Variants in PRKN observed in about 807,000 individuals in gnomAD.
The protein encoded by PRKN is parkin RBR E3 ubiquitin protein ligase.
A neutral mutation model predicts 59.5 loss-of-function variants in PRKN; 56 were observed. The observed-to-expected ratio is 0.94, with a 90% CI of 0.76 to 1.18. The LOEUF (loss-of-function observed/expected upper bound fraction) is 1.18, where lower values mean the gene tolerates loss of function less well. Among genes scored for constraint, PRKN ranks in the 50% most tolerant of loss-of-function variants. PRKN has a pLI of 0.00. For synonymous variants in PRKN, 250 were observed against 222.1 expected (o/e 1.13, Z -1.12); for missense variants, 657 against 596.4 (o/e 1.10, Z -1.06).
intron 1 of PRKN, among the ~76,000 whole-genome samples, chr6:162,467,666 C>T (rs1202204910): frequency 1.3e-5 from 2 of 152,116 alleles, no homozygotes; most frequent in Non-Finnish European, 2.9e-5. Flanking sequence ...AATCCCTTGA[C>T]ACAAGAAAAA....
At chr6:161,945,036 A>G (rs1779727327) in intron 6 of PRKN, among the ~76,000 whole-genome samples, 1 of 152,206 alleles carries the variant, frequency 6.6e-6, no homozygotes, top group South Asian at 2.1e-4. Context: ...TTGTCAGTGT[A>G]ATCTATTTAG....
chr6:161,826,286 A>T (rs2128217626), intron 6 of PRKN, among the ~76,000 whole-genome samples: 1 of 152,366 alleles, frequency 6.6e-6, no homozygotes, highest in Non-Finnish European at 1.5e-5. Context: ...GACAAATTTT[A>T]AAACAAAAGA....
Position 161,754,251 on chromosome 6 carries a change from A to C in PRKN, c.871+31521T>G, listed in dbSNP as rs537033296. On this transcript the variant is annotated intron_variant, in intron 7 of 11. Transcript: ENST00000366898. Reference sequence around the variant, plus strand: ...CTGAAGCTCACAGCAGGCCATGCTCAGGAGGAACGTGCTGATCTCAAAGAG... The same window carrying C: ...CTGAAGCTCACAGCAGGCCATGCTCCGGAGGAACGTGCTGATCTCAAAGAG... Among the ~76,000 whole-genome samples the C allele has an allele frequency of 7.9e-5, 12 of 152,200 alleles. No individual in the cohort carries two copies. The South Asian group carries it at 2.5e-3, about 32-fold the overall frequency.
At chr6:161,553,431 A>G (rs1297434126) in intron 8 of PRKN, among the ~76,000 whole-genome samples, 1 of 145,290 alleles carries the variant, frequency 6.9e-6, no homozygotes, top group African/African-American at 2.6e-5. Context: ...CCCTCCCTCT[A>G]TCTCTCTGTC....
At chr6:161,635,613 C>T (rs191115892) in intron 7 of PRKN, among the ~76,000 whole-genome samples, 10 of 152,286 alleles carry the variant, frequency 6.6e-5, no homozygotes, top group African/African-American at 2.2e-4. Context: ...GAAAGAATCC[C>T]GGATTTTATG....
chr6:161,557,731 A>C lies in PRKN; in HGVS notation c.934-8728T>G, dbSNP rs188663959. ...AGTACAGGGATCCGAGGTAAAACTC[A>C]AGTCTGAGAAAAATGGCACATGTTC... On this transcript the variant is annotated intron_variant, in intron 8 of 11. Coordinates refer to ENST00000366898, the MANE Select transcript of PRKN (RefSeq NM_004562.3). Among the ~76,000 whole-genome samples the C allele has an allele frequency of 7.5e-4, 115 of 152,332 alleles. 1 individual carries two copies. In the East Asian group the frequency reaches 0.019, roughly 25 times the overall value.
intron 1 of PRKN, among the ~76,000 whole-genome samples, chr6:162,719,404 C>T (rs568971048): frequency 2.4e-4 from 37 of 151,948 alleles, no homozygotes; most frequent in Non-Finnish European, 5.0e-4. Flanking sequence ...GAAAGGAGGT[C>T]GAATTTCAAG....
At chr6:161,876,598 C>T (rs1221447146) in intron 6 of PRKN, among the ~76,000 whole-genome samples, 2 of 152,166 alleles carry the variant, frequency 1.3e-5, no homozygotes, top group East Asian at 3.8e-4. Context: ...CAGGCGTGAG[C>T]CACCATGCCC....
intron 1 of PRKN, among the ~76,000 whole-genome samples, chr6:162,516,119 CTCTCTGATCCT>C (rs1041249293): frequency 1.2e-4 from 19 of 152,350 alleles, no homozygotes; most frequent in Non-Finnish European, 1.3e-4. Context: ...ACTGCATGTT[CTCTCTGATCCT>C]TCTCTGATCC....
chr6:162,514,673 T>C (rs538803025), intron 1 of PRKN, among the ~76,000 whole-genome samples: 3 of 152,310 alleles, frequency 2.0e-5, no homozygotes, highest in Non-Finnish European at 4.4e-5. Flanking sequence ...TTCATGCCTA[T>C]AATCCCAGCA....
intron 2 of PRKN, among the ~76,000 whole-genome samples, chr6:162,401,430 C>A (rs2128149808): frequency 6.6e-6 from 1 of 152,178 alleles, no homozygotes; most frequent in South Asian, 2.1e-4. Context: ...TCATAGCTTA[C>A]TGTAGCCTAC....
At chr6:161,803,269 G>A (rs537253791) in intron 6 of PRKN, among the ~76,000 whole-genome samples, 6 of 152,264 alleles carry the variant, frequency 3.9e-5, no homozygotes, top group East Asian at 3.9e-4. Flanking sequence ...GTCACATAAC[G>A]CTTTTATTAA....
chr6:162,448,384 C>G (rs901508572), intron 1 of PRKN, among the ~76,000 whole-genome samples: 6 of 152,110 alleles, frequency 3.9e-5, no homozygotes, highest in Non-Finnish European at 7.4e-5. Flanking sequence ...AATTTCTTAT[C>G]ACCCTGGTCT....
rs1046669546 is a variant in PRKN, at chr6:162,210,429, G to A, written c.413-9177C>T. 5.3e-5 allele frequency among the ~76,000 whole-genome samples: 8 copies of A among 152,182 alleles called. No individual in the cohort carries two copies. In the South Asian group the frequency reaches 1.0e-3, roughly 20 times the overall value. On this transcript the variant is annotated intron_variant, in intron 3 of 11. Coordinates refer to ENST00000366898, the MANE Select transcript of PRKN (RefSeq NM_004562.3). Reference sequence around the variant, plus strand: ...AATTCTGAACTCAAGCTCCTCCCACGGATTCTTCAAGCTGTAGGCATTTAC... The same window carrying A: ...AATTCTGAACTCAAGCTCCTCCCACAGATTCTTCAAGCTGTAGGCATTTAC...
At chr6:162,024,357 C>T (rs746542931) in intron 5 of PRKN, among the ~76,000 whole-genome samples, 3 of 152,004 alleles carry the variant, frequency 2.0e-5, no homozygotes, top group Non-Finnish European at 2.9e-5. Flanking sequence ...CCAACATGCC[C>T]AGCTAATTTT....
At chr6:162,138,472 A>G (rs1781639188) in intron 4 of PRKN, among the ~76,000 whole-genome samples, 1 of 152,184 alleles carries the variant, frequency 6.6e-6, no homozygotes. Context: ...AAAATCCACC[A>G]CCTAATGTAC....
intron 6 of PRKN, among the ~76,000 whole-genome samples, chr6:161,840,124 C>T (rs1010180425): frequency 6.6e-6 from 1 of 152,216 alleles, no homozygotes; most frequent in African/African-American, 2.4e-5. Context: ...ACAAAGACCA[C>T]CAGCACTGCT....
At chr6:161,779,860 G>A (rs1187937730) in intron 7 of PRKN, among the ~76,000 whole-genome samples, 1 of 152,088 alleles carries the variant, frequency 6.6e-6, no homozygotes, top group African/African-American at 2.4e-5. Flanking sequence ...CCAGATAGAT[G>A]GGTAATTGGC....
intron 2 of PRKN, among the ~76,000 whole-genome samples, chr6:162,410,494 C>T (rs763898091): frequency 1.3e-5 from 2 of 152,184 alleles, no homozygotes; most frequent in South Asian, 2.1e-4. Flanking sequence ...TTTCCAATTT[C>T]GCTCGACTGA....
Sources: gnomAD v4.1 joint callset for allele counts (sites outside exome capture counted in the v4.1 genomes callset) on GRCh38, gnomAD v4.1.1 for gene constraint, MANE v1.5 for transcripts, NCBI Gene and HGNC (gene_info 2026-07-23, HGNC 2026-07-21) for gene names.